The following POLG variants were observed in gnomAD, a reference collection of about 807,000 sequenced individuals.
The protein encoded by POLG is DNA polymerase gamma, catalytic subunit.
POLG carries 110 observed loss-of-function variants against 155.4 expected under a neutral mutation model. That is an observed-to-expected ratio of 0.71 (90% confidence interval 0.61 to 0.83). POLG has a LOEUF of 0.83. Among genes scored for constraint, POLG ranks in the 40% least tolerant of loss-of-function variants. The probability of loss-of-function intolerance (pLI) is 0.00; values close to 1 mark genes in which losing one functional copy is unlikely to be tolerated. For missense variants in POLG, 1,685 were observed against 1,627.5 expected (o/e 1.04, Z -0.61); for synonymous variants, 701 against 631.5 (o/e 1.11, Z -1.65).
Position 89,319,318 on chromosome 15 carries a change from ACCAGCCACTCG to A in POLG, c.3003_3013del (p.Trp1003GlyfsTer10), listed in dbSNP as rs2055359441. The A allele has an allele frequency of 6.3e-7, 1 of 1,599,762 alleles. No individual in the cohort carries two copies. The highest frequency in any genetic ancestry group is 1.3e-5 in the African/African-American group (1 of 74,280). Reference sequence around the variant, plus strand: ...GTCCACTGGGAGGTTCAACTCCCTCACCAGCCACTCGCCCTCATCCGACAGCCGATACCTGG... The same window carrying A: ...GTCCACTGGGAGGTTCAACTCCCTCACCCTCATCCGACAGCCGATACCTGG... On this transcript the variant is annotated frameshift_variant, in exon 19 of 23. Transcript: ENST00000268124. LOFTEE classifies it high-confidence loss of function.
chr15:89,334,151 G>A, intron 1 of POLG: 1 of 326,922 alleles, frequency 3.1e-6, no homozygotes, highest in Non-Finnish European at 5.8e-6. Flanking sequence ...TAAGAGAGCA[G>A]TATCTGGAGT....
chr15:89,323,708 A>AC, intron 12 of POLG, 107 bp downstream of exon 12: 1 of 1,014,410 alleles, frequency 9.9e-7, no homozygotes, highest in East Asian at 2.4e-5. Flanking sequence ...GGCATCTCCA[A>AC]CCCCCTTAAG....
intron 21 of POLG, among the ~76,000 whole-genome samples, chr15:89,318,266 A>G (rs943954304): frequency 1.3e-5 from 2 of 152,104 alleles, no homozygotes; most frequent in Non-Finnish European, 2.9e-5. Flanking sequence ...CGTGAGTACC[A>G]CCCTTCGGAA....
intron 10 of POLG, among the ~76,000 whole-genome samples, chr15:89,325,176 G>T (rs1193824148): frequency 2.1e-5 from 2 of 93,136 alleles, no homozygotes; most frequent in African/African-American, 9.5e-5. Context: ...GTGAGAGAGT[G>T]AGAGAGTGAG....
Position 89,320,796 on chromosome 15 carries a change from T to C in POLG, c.2951A>G (p.Gln984Arg), listed in dbSNP as rs1780095681. The C allele has an allele frequency of 1.2e-6, 2 of 1,613,804 alleles. No homozygotes were observed. Among genetic ancestry groups the C allele is most frequent in the African/African-American group, 1.3e-5 (1 of 75,058 alleles). Reference protein sequence around the residue: ...TQQEAAEKAQQMYAATKGLRW... With the variant: ...TQQEAAEKAQRMYAATKGLRW... ...GAGGCCCTTGGTGGCAGCGTACATC[T>C]GCTGGGCCTTCTCAGCTGCCTCCTG... The change falls in exon 18 of 23, where the codon CAG (glutamine) becomes CGG (arginine). Residue 984 changes from glutamine (Q) to arginine (R), a missense_variant. By Grantham distance (43) the Gln-to-Arg change is conservative (BLOSUM62 1). Transcript: ENST00000268124.
At chr15:89,321,375 A>G in intron 16 of POLG, 115 bp from the exon 17 acceptor site, 1 of 1,206,396 alleles carries the variant, frequency 8.3e-7, no homozygotes. Context: ...AGAATGCCAG[A>G]CAGCACTGCT....
rs756719930 is a variant in POLG at position 89,328,460 on chromosome 15, C to G, written c.1246G>C (p.Glu416Gln). 3.1e-6 allele frequency: 5 copies of G among 1,613,354 alleles called. No homozygotes were observed. Among genetic ancestry groups the G allele is most frequent in the Admixed American group, 1.7e-5 (1 of 60,000 alleles). ...CCCACATGGGCTCCCCCTCACCTCT[C>G]CAAGAAGAGCGGTAGCTGCTGCTGG... The part of the protein sequence containing the change: ...VFQQQLPLFL[E>Q]RCPHPVTLAG... The change falls in exon 6 of 23, where the codon GAG becomes CAG. Residue 416 changes from glutamate (E) to glutamine (Q), a missense_variant. By Grantham distance (29) the Glu-to-Gln change is conservative. Around this residue, in one of 3 missense-constraint regions of POLG, gnomAD observed 1,210 missense variants for 1,167.1 expected, o/e 1.04. Coordinates refer to ENST00000268124, the MANE Select transcript of POLG (RefSeq NM_002693.3).
intron 10 of POLG, among the ~76,000 whole-genome samples, chr15:89,325,037 A>AGAGTGAGTGAGTGAGTGAGTGAGAGAGT (rs71824331): frequency 1.4e-5 from 1 of 70,794 alleles, no homozygotes; most frequent in African/African-American, 5.6e-5. Context: ...CTGAACCCAG[A>AGAGTGAGTGAGTGAGTGAGTGAGAGAGT]GAGTGAGTGA....
rs1394601423 is a variant in POLG at position 89,321,958 on chromosome 15, A to G, written c.2480+4T>C. On this transcript the variant is annotated splice_donor_region_variant and intron_variant, in intron 15 of 22. Coordinates refer to ENST00000268124, the MANE Select transcript of POLG (RefSeq NM_002693.3). ...TATCCCTACAACCACTCAGCAGACCATACCTGATCACAGCACGGGGCAGAG... is the reference window on the plus strand; with the variant it reads ...TATCCCTACAACCACTCAGCAGACCGTACCTGATCACAGCACGGGGCAGAG... 6.2e-7 allele frequency: 1 copy of G among 1,613,936 alleles called. No individual in the cohort carries two copies. Among genetic ancestry groups the G allele is most frequent in the African/African-American group, 1.3e-5 (1 of 74,922 alleles).
rs758112770 is a variant in POLG at position 89,327,348 on chromosome 15, A to C, written c.1252T>G (p.Cys418Gly). Residue 418 changes from cysteine to glycine, a missense_variant and splice_region_variant, in exon 7 of 23, where the codon TGT (cysteine) becomes GGT (glycine). This residue lies in a region of POLG where 1,210 missense variants were observed against 1,167.1 expected (regional missense o/e 1.04). Coordinates refer to ENST00000268124, the MANE Select transcript of POLG (RefSeq NM_002693.3). Reference sequence around the variant, plus strand: ...CCGGCCAGAGTCACTGGGTGGGGACACCTTGGAGGCAAACACCAGGAGCTG... The same window carrying C: ...CCGGCCAGAGTCACTGGGTGGGGACCCCTTGGAGGCAAACACCAGGAGCTG... ...QQQLPLFLER[C>G]PHPVTLAGML... 1 of 1,612,806 alleles carries C rather than the reference A, an allele frequency of 6.2e-7. No individual in the cohort carries two copies. Among genetic ancestry groups the C allele is most frequent in the Non-Finnish European group, 8.5e-7 (1 of 1,179,926 alleles).
chr15:89,319,048 G>C lies in POLG; in HGVS notation c.3156C>G (p.Gly1052=), dbSNP rs745731609. 1.2e-6 allele frequency: 2 copies of C among 1,613,908 alleles called. No individual in the cohort carries two copies. Among genetic ancestry groups the C allele is most frequent in the Non-Finnish European group, 1.7e-6 (2 of 1,179,982 alleles). Residue 1052 remains glycine, a synonymous_variant, in exon 20 of 23, where the codon GGC becomes GGG. Transcript: ENST00000268124. ...GCTTATTGAACATTTCTGACTCTGTGCCCCCCTTCCATGCCCGTTCAGCAA... is the reference window on the plus strand; with the variant it reads ...GCTTATTGAACATTTCTGACTCTGTCCCCCCCTTCCATGCCCGTTCAGCAA... The part of the protein sequence containing the change: ...EVVAERAWKG[G]TESEMFNKLE...
At chr15:89,317,811 A>ACTT (rs1191778395) in intron 21 of POLG, 3 of 471,014 alleles carry the variant, frequency 6.4e-6, no homozygotes, top group African/African-American at 5.9e-5. Flanking sequence ...ATACGAAATC[A>ACTT]CTTCCAATTG....
At chr15:89,325,113 AGTGAGTGAGT>A (rs1256381357) in intron 10 of POLG, among the ~76,000 whole-genome samples, 1 of 49,724 alleles carries the variant, frequency 2.0e-5, no homozygotes, top group African/African-American at 1.0e-4. Flanking sequence ...AGTGAGAGAG[AGTGAGTGAGT>A]GAGTGAGAGA....
At chr15:89,322,191 C>T (rs1042457251) in intron 14 of POLG, among the ~76,000 whole-genome samples, 176 bp from the exon 15 acceptor site, 4 of 152,238 alleles carry the variant, frequency 2.6e-5, no homozygotes, top group African/African-American at 9.6e-5. Context: ...CTATGATACA[C>T]CAATCAAGAG....
In POLG at chr15:89,323,022, A is replaced by G. The variant is rs1487133519; in HGVS notation, c.2266-120T>C. On this transcript the variant is annotated intron_variant, in intron 13 of 22. Coordinates refer to ENST00000268124, the MANE Select transcript of POLG (RefSeq NM_002693.3). Reference sequence around the variant, plus strand: ...CCAGAACCTCAGCAGTCTGAGGCAAATCCCTGATTGTATCACGCACGCGCG... The same window carrying G: ...CCAGAACCTCAGCAGTCTGAGGCAAGTCCCTGATTGTATCACGCACGCGCG... The G allele has an allele frequency of 3.0e-6, 3 of 1,013,454 alleles. No homozygotes were observed. The African/African-American group carries it at 4.9e-5, about 16-fold the overall frequency. 62.8% of individuals were successfully genotyped at this position (1,013,454 alleles called of 1,614,324 possible).
At chr15:89,331,278 A>G (rs1317842282) in intron 2 of POLG, among the ~76,000 whole-genome samples, 2 of 152,198 alleles carry the variant, frequency 1.3e-5, no homozygotes, top group African/African-American at 4.8e-5. Flanking sequence ...AAAATAAGCC[A>G]AGGGACTGAA....
intron 8 of POLG, 83 bp downstream of exon 8, chr15:89,326,829 A>G (rs2055526904): frequency 6.2e-7 from 1 of 1,608,296 alleles, no homozygotes; most frequent in South Asian, 1.1e-5. Flanking sequence ...GGCTGGAGCA[A>G]TCCTTTCGAA....
intron 13 of POLG, 56 bp downstream of exon 13, chr15:89,323,348 T>C (rs1342323306): frequency 1.8e-5 from 20 of 1,106,898 alleles, no homozygotes; most frequent in Non-Finnish European, 2.6e-5. Context: ...AGGCCTGCTG[T>C]GGGCCTTGAG....
At position 89,320,726 on chromosome 15, in the gene POLG, G is replaced by A. The variant is rs531383630; in HGVS notation, c.2981+40C>T. 2.9e-4 allele frequency: 460 copies of A among 1,609,148 alleles called. 4 individuals carry two copies. In the Middle Eastern group the frequency reaches 4.9e-3, roughly 17 times the overall value. On this transcript the variant is annotated intron_variant, in intron 18 of 22. Coordinates refer to ENST00000268124, the MANE Select transcript of POLG (RefSeq NM_002693.3). Reference sequence around the variant, plus strand: ...ACTAAAGGACAGTAAAGCAGGCCTCGGGTCCTGGGTGTTAAAGTGGATGGG... The same window carrying A: ...ACTAAAGGACAGTAAAGCAGGCCTCAGGTCCTGGGTGTTAAAGTGGATGGG...
Sources: gnomAD v4.1 joint callset for allele counts (sites outside exome capture counted in the v4.1 genomes callset) on GRCh38, gnomAD v4.1.1 for gene constraint, gnomAD v4.1.1 regional missense constraint, MANE v1.5 for transcripts, NCBI Gene and HGNC (gene_info 2026-07-23, HGNC 2026-07-21) for gene names.